RYK: variants seen among roughly 807,000 people sequenced by gnomAD.
The protein encoded by RYK is receptor like tyrosine kinase, also known as inactive tyrosine-protein kinase RYK.
In RYK, 21 loss-of-function variants were observed where a neutral mutation model predicts 70.2. The observed-to-expected ratio is 0.30, with a 90% CI of 0.21 to 0.43. The LOEUF is 0.43. RYK is among the 20% of genes least tolerant of loss of function. RYK has a pLI of 1.00. For synonymous variants in RYK, 267 were observed against 278.0 expected, an observed-to-expected ratio of 0.96 and a Z score of 0.39; for missense variants, 604 against 753.3, an observed-to-expected ratio of 0.80 and a Z score of 2.32.
chr3:134,235,628 C>T (rs973985489), intron 1 of RYK, among the ~76,000 whole-genome samples: 12 of 151,898 alleles, frequency 7.9e-5, no homozygotes, highest in African/African-American at 2.9e-4. Context: ...AAGACAGGGG[C>T]TAGATAACCT....
intron 10 of RYK, chr3:134,181,722 A>T (rs750167277): frequency 1.5e-4 from 23 of 152,184 alleles, no homozygotes; most frequent in Non-Finnish European, 2.4e-4. Flanking sequence ...AGACATACAA[A>T]TTATGTTGAC....
chr3:134,249,137 A>C (rs2015543328), intron 1 of RYK, among the ~76,000 whole-genome samples: 1 of 152,224 alleles, frequency 6.6e-6, no homozygotes, highest in Non-Finnish European at 1.5e-5. Context: ...TTTTTCCTAA[A>C]TCTTAGTCTT....
intron 1 of RYK, among the ~76,000 whole-genome samples, chr3:134,234,965 T>C (rs1196426441): frequency 6.6e-6 from 1 of 152,150 alleles, no homozygotes; most frequent in Non-Finnish European, 1.5e-5. Flanking sequence ...GGTACAGCCA[T>C]AATTAATACA....
intron 13 of RYK, among the ~76,000 whole-genome samples, chr3:134,164,056 G>A (rs1170346080): frequency 1.3e-5 from 2 of 151,982 alleles, no homozygotes; most frequent in Admixed American, 6.6e-5. Context: ...GGCTGGTCTC[G>A]AACTCCTGGT....
intron 6 of RYK, among the ~76,000 whole-genome samples, chr3:134,197,463 T>G (rs1311158209): frequency 6.6e-6 from 1 of 152,222 alleles, no homozygotes; most frequent in African/African-American, 2.4e-5. Flanking sequence ...AAGTAAAGCA[T>G]TTATTGCCTA....
Position 134,207,473 on chromosome 3 carries a change from A to T in RYK, c.642T>A (p.Ile214=). 1 of 1,531,740 alleles carries T rather than the reference A, an allele frequency of 6.5e-7. No individual in the cohort carries two copies. Among genetic ancestry groups the T allele is most frequent in the South Asian group, 1.2e-5 (1 of 80,994 alleles). 94.9% of individuals were successfully genotyped at this position (1,531,740 alleles called of 1,614,324 possible). A position where few individuals can be genotyped will look rare whatever the true frequency, so the allele number is the denominator to read the frequency against. ...TAAAGATAATACAGTAACACTTACA[A>T]ATAGTTCTGCTAGTGTTTTTGTCCA... The part of the protein sequence containing the change: ...SALDKNTSRT[I]YDPVHAAPTT... Residue 214 remains isoleucine (I), a splice_region_variant and synonymous_variant, in exon 5 of 15, where the codon ATT becomes ATA. Coordinates refer to ENST00000623711, the MANE Select transcript of RYK (RefSeq NM_002958.4).
At chr3:134,178,362 A>G in intron 10 of RYK, 1 of 244,270 alleles carries the variant, frequency 4.1e-6, no homozygotes, top group Non-Finnish European at 7.6e-6. Context: ...ACCACACTAT[A>G]TCTTTACTCC....
chr3:134,185,956 G>A (rs1470842885), intron 9 of RYK, among the ~76,000 whole-genome samples: 1 of 152,018 alleles, frequency 6.6e-6, no homozygotes, highest in Non-Finnish European at 1.5e-5. Flanking sequence ...TCGTTTTCTT[G>A]GATTCCTTTC....
intron 10 of RYK, chr3:134,181,676 GTTC>G (rs1042263092): frequency 6.6e-6 from 1 of 152,070 alleles, no homozygotes; most frequent in African/African-American, 2.4e-5. Flanking sequence ...GATAACCACA[GTTC>G]TTTTTTTAAA....
At chr3:134,160,017 G>A (rs562574268) in intron 13 of RYK, among the ~76,000 whole-genome samples, 6 of 152,144 alleles carry the variant, frequency 3.9e-5, no homozygotes, top group South Asian at 2.1e-4. Context: ...TGCAGGGGGC[G>A]GGGGGCAGGC....
intron 1 of RYK, among the ~76,000 whole-genome samples, chr3:134,246,098 T>C (rs1347976157): frequency 6.6e-6 from 1 of 151,594 alleles, no homozygotes; most frequent in East Asian, 1.9e-4. Flanking sequence ...GTAAAGATAA[T>C]ACATCCATAA....
rs555978461 is a variant in RYK at position 134,184,491 on chromosome 3, C to T, written c.1103-1420G>A. ...AAATTGAAAATGCAGCCAGGTACAG[C>T]GGTTCACACCTGTAATACCACCACT... On this transcript the variant is annotated intron_variant, in intron 9 of 14. Transcript: ENST00000623711. Among the ~76,000 whole-genome samples the T allele has an allele frequency of 3.3e-5, 5 of 152,198 alleles. No individual in the cohort carries two copies. In the South Asian group the frequency reaches 6.2e-4, roughly 19 times the overall value.
In RYK at chr3:134,229,652, T is replaced by A. The variant is rs533644235; in HGVS notation, c.233-7113A>T. ...ACATCTATCTAAGAAAGAACTTAGC[T>A]GGGGGAAGGGAGAGATGTTGGTTAA... On this transcript the variant is annotated intron_variant, in intron 1 of 14. Transcript: ENST00000623711. Among the ~76,000 whole-genome samples the A allele has an allele frequency of 1.1e-3, 164 of 151,990 alleles. 3 individuals are homozygous for A. Among genetic ancestry groups the A allele is most frequent in the African/African-American group, 3.8e-3 (157 of 41,426 alleles).
At chr3:134,211,688 A>C in intron 2 of RYK, 81 bp from the exon 3 acceptor site, 1 of 876,332 alleles carries the variant, frequency 1.1e-6, no homozygotes. Context: ...TAATTGGCTC[A>C]TTAATCAATG....
chr3:134,223,661 G>C (rs1172687925), intron 1 of RYK, among the ~76,000 whole-genome samples: 1 of 151,364 alleles, frequency 6.6e-6, no homozygotes, highest in Non-Finnish European at 1.5e-5. Flanking sequence ...CCAAGGAACT[G>C]AAAGACTAAG....
intron 8 of RYK, among the ~76,000 whole-genome samples, chr3:134,191,426 C>T (rs926966887): frequency 1.4e-4 from 22 of 152,130 alleles, no homozygotes; most frequent in African/African-American, 3.6e-4. Flanking sequence ...CAAAGCCACA[C>T]GGAGAATAAA....
At chr3:134,235,450 TC>T (rs1479324054) in intron 1 of RYK, among the ~76,000 whole-genome samples, 1 of 151,878 alleles carries the variant, frequency 6.6e-6, no homozygotes, top group Non-Finnish European at 1.5e-5. Flanking sequence ...ACCCTAATAA[TC>T]AGGAAATAAA....
intron 5 of RYK, among the ~76,000 whole-genome samples, chr3:134,204,072 G>C (rs906210807): frequency 2.6e-5 from 4 of 152,198 alleles, no homozygotes; most frequent in African/African-American, 7.2e-5. Context: ...AAGACTGAGT[G>C]ACAGAAGGGT....
chr3:134,176,205 C>G (rs1033159157), intron 11 of RYK, among the ~76,000 whole-genome samples, 166 bp from the exon 12 acceptor site: 1 of 152,124 alleles, frequency 6.6e-6, no homozygotes, highest in African/African-American at 2.4e-5. Flanking sequence ...CCCATATATC[C>G]CTATACTTAT....
Sources: allele counts gnomAD v4.1 joint callset (sites outside exome capture counted in the v4.1 genomes callset), GRCh38; gene constraint gnomAD v4.1.1; transcripts MANE v1.5; gene names NCBI Gene and HGNC (gene_info 2026-07-23, HGNC 2026-07-21).